MCM4: variants seen among roughly 807,000 people sequenced by gnomAD.
The protein encoded by MCM4 is minichromosome maintenance complex component 4, also known as DNA replication licensing factor MCM4.
A neutral mutation model predicts 88.7 loss-of-function variants in MCM4; 60 were observed. The observed-to-expected ratio is 0.68, with a 90% CI of 0.55 to 0.84. The LOEUF (loss-of-function observed/expected upper bound fraction) is 0.84. Among genes scored for constraint, MCM4 ranks in the 40% least tolerant of loss-of-function variants. MCM4 has a pLI of 0.00. For synonymous variants in MCM4, 465 were observed against 410.5 expected (o/e 1.13, Z -1.61); for missense variants, 1,149 against 1,105.5 (o/e 1.04, Z -0.56).
intron 4 of MCM4, 43 bp downstream of exon 4, chr8:47,962,259 T>C (rs778593949): frequency 2.5e-6 from 4 of 1,613,126 alleles, no homozygotes; most frequent in Non-Finnish European, 3.4e-6. Flanking sequence ...GCGGGTATCA[T>C]GTGGGTAACT....
At position 47,961,447 on chromosome 8, in the gene MCM4, GAA is replaced by G. The variant is rs982776360; in HGVS notation, c.71-66_71-65del. On this transcript the variant is annotated intron_variant, in intron 2 of 16. Coordinates refer to ENST00000649973, the MANE Select transcript of MCM4 (RefSeq NM_182746.3). The stretch of plus-strand genomic sequence containing the variant: ...CAGTGGTGAGTCATAATGCCCCAAG[GAA>G]AAGACAAATCCAGGAAGGCCGGCCC... 3.5e-5 allele frequency: 57 copies of G among 1,610,852 alleles called. No individual in the cohort carries two copies. In the African/African-American group the frequency reaches 6.5e-4, roughly 18 times the overall value.
At chr8:47,961,056 G>T in intron 1 of MCM4, 42 bp downstream of exon 1, 1 of 1,377,760 alleles carries the variant, frequency 7.3e-7, no homozygotes, top group East Asian at 3.1e-5. Flanking sequence ...CGGAGCCGAC[G>T]GGAACGTCCG....
At position 47,962,287 on chromosome 8, in the gene MCM4, T is replaced by C. The variant is rs2090851045; in HGVS notation, c.400-18T>C. 1 of 1,614,050 alleles carries C rather than the reference T, an allele frequency of 6.2e-7. No individual in the cohort carries two copies. Among genetic ancestry groups the C allele is most frequent in the African/African-American group, 1.3e-5 (1 of 74,928 alleles). ...GGGTAACTCTGTTTTCATGATTCTG[T>C]CATGTTTTTCTGTGTAGGCAGCAGC... On this transcript the variant is annotated intron_variant, in intron 4 of 16. Transcript: ENST00000649973.
At position 47,975,828 on chromosome 8, in the gene MCM4, A is replaced by G. The variant is rs778208393; in HGVS notation, c.2479A>G (p.Ile827Val). The stretch of plus-strand genomic sequence containing the variant: ...AAAATACCAGCAACTTTTTGAAGAT[A>G]TTCGGGGACAATCTGACATAGTAAG... ...ALKYQQLFED[I>V]RGQSDIAITK... Residue 827 changes from isoleucine to valine, a missense_variant, in exon 16 of 17, where the codon ATT becomes GTT. By Grantham distance (29) the Ile-to-Val change is conservative. Transcript: ENST00000649973. The G allele has an allele frequency of 1.9e-6, 3 of 1,580,004 alleles. No homozygotes were observed. The highest frequency in any genetic ancestry group is 2.6e-6 in the Non-Finnish European group (3 of 1,167,798).
At chr8:47,969,006 A>G (rs1159662488) in intron 10 of MCM4, 1 of 152,232 alleles carries the variant, frequency 6.6e-6, no homozygotes, top group Non-Finnish European at 1.5e-5. Context: ...TGCTAGGCAG[A>G]TTCTGTACAC....
chr8:47,974,362 A>G (rs1241988766), intron 14 of MCM4: 1 of 198,430 alleles, frequency 5.0e-6, no homozygotes, highest in Non-Finnish European at 1.1e-5. Context: ...CTTTTCCCAG[A>G]CAGGCCTGAT....
chr8:47,970,388 A>T, intron 11 of MCM4, 123 bp from the exon 12 acceptor site: 1 of 1,292,328 alleles, frequency 7.7e-7, no homozygotes, highest in Non-Finnish European at 1.1e-6. Context: ...GAGCCTTTTT[A>T]TACCTTCCTG....
intron 7 of MCM4, among the ~76,000 whole-genome samples, chr8:47,964,041 T>A (rs752545667): frequency 6.6e-6 from 1 of 152,144 alleles, no homozygotes; most frequent in Non-Finnish European, 1.5e-5. Flanking sequence ...CTGACCAACG[T>A]GGAGAAACCC....
rs768182076 is a variant in MCM4 at position 47,966,381 on chromosome 8, C to T, written c.1027C>T (p.Arg343Cys). ...CCACAGCATGGCACTCATCCACAACCGCTCCCTCTTCTCTGACAAGCAGAT... is the reference window on the plus strand; with the variant it reads ...CCACAGCATGGCACTCATCCACAACTGCTCCCTCTTCTCTGACAAGCAGAT... The part of the protein sequence containing the change: ...TTHSMALIHN[R>C]SLFSDKQMIK... The change falls in exon 9 of 17, where the codon CGC becomes TGC. Residue 343 changes from arginine to cysteine, a missense_variant. Arg to Cys is a radical substitution (Grantham distance 180). Coordinates refer to ENST00000649973, the MANE Select transcript of MCM4 (RefSeq NM_182746.3). 16 of 1,612,372 alleles carry T rather than the reference C, an allele frequency of 9.9e-6. No individual in the cohort carries two copies. The Middle Eastern group carries it at 8.3e-4, about 84-fold the overall frequency.
Position 47,961,675 on chromosome 8 carries a change from C to T in MCM4, c.230C>T (p.Ser77Phe). Residue 77 changes from serine to phenylalanine, a missense_variant, in exon 3 of 17, where the codon TCT becomes TTT. Ser to Phe is a radical substitution (Grantham distance 155, BLOSUM62 -2). Coordinates refer to ENST00000649973, the MANE Select transcript of MCM4 (RefSeq NM_182746.3). The stretch of plus-strand genomic sequence containing the variant: ...TTTTCCAGCCCTCCCCAAATGCATT[C>T]TTCAGGTGCGTGTCTGAAGATCTTG... ...VLFSSPPQMH[S>F]SAIPLDFDVS... 1 of 1,604,756 alleles carries T rather than the reference C, an allele frequency of 6.2e-7. No homozygotes were observed. Among genetic ancestry groups the T allele is most frequent in the Non-Finnish European group, 8.5e-7 (1 of 1,174,098 alleles).
chr8:47,960,950 G>T lies in MCM4; in HGVS notation c.-79G>T, dbSNP rs1222283945. The stretch of plus-strand genomic sequence containing the variant: ...GGGAACTCTGGGTCTCGCGGTTTGG[G>T]AGCGCTACTCGCCAGGTGGACTCGG... On this transcript the variant is annotated 5_prime_UTR_variant, in exon 1 of 17. Coordinates refer to ENST00000649973, the MANE Select transcript of MCM4 (RefSeq NM_182746.3). The T allele has an allele frequency of 1.8e-6, 1 of 548,578 alleles. No homozygotes were observed. Among genetic ancestry groups the T allele is most frequent in the East Asian group, 3.6e-5 (1 of 27,564 alleles). The allele number at this position is 548,578 out of a possible 1,614,324, so 34.0% of individuals were successfully genotyped here.
In MCM4 at chr8:47,970,881, G is replaced by T. The variant is rs750380475; in HGVS notation, c.1800+5G>T. ...CAGACTCTGTCCATTGCAAAGGTGA[G>T]TCGCCTTCTCCACCGTGAACATGGA... On this transcript the variant is annotated splice_donor_5th_base_variant and intron_variant, in intron 12 of 16. Coordinates refer to ENST00000649973, the MANE Select transcript of MCM4 (RefSeq NM_182746.3). The T allele has an allele frequency of 4.4e-6, 7 of 1,579,426 alleles. No homozygotes were observed. Among genetic ancestry groups the T allele is most frequent in the Non-Finnish European group, 6.0e-6 (7 of 1,159,402 alleles).
At chr8:47,964,764 A>G in intron 8 of MCM4, 52 bp downstream of exon 8, 1 of 1,436,010 alleles carries the variant, frequency 7.0e-7, no homozygotes. Context: ...GCCTTACATG[A>G]AAATAGCCTT....
intron 2 of MCM4, 64 bp from the exon 3 acceptor site, chr8:47,961,452 G>A: frequency 6.2e-7 from 1 of 1,611,492 alleles, no homozygotes; most frequent in East Asian, 2.2e-5. Context: ...CCAAGGAAAA[G>A]ACAAATCCAG....
At chr8:47,962,919 A>G (rs747247490) in intron 6 of MCM4, 26 bp from the exon 7 acceptor site, 1 of 1,567,470 alleles carries the variant, frequency 6.4e-7, no homozygotes, top group Non-Finnish European at 8.7e-7. Flanking sequence ...TTAGCAAAAT[A>G]TAACTTGTTC....
intron 16 of MCM4, 135 bp from the exon 17 acceptor site, chr8:47,976,551 A>T: frequency 1.7e-6 from 1 of 576,834 alleles, no homozygotes; most frequent in Non-Finnish European, 3.1e-6. Context: ...CCTGATTTAG[A>T]GCATAAGGCA....
chr8:47,964,634 T>C lies in MCM4; in HGVS notation c.754T>C (p.Ser252Pro). 6.2e-7 allele frequency: 1 copy of C among 1,607,890 alleles called. No individual in the cohort carries two copies. Among genetic ancestry groups the C allele is most frequent in the Non-Finnish European group, 8.5e-7 (1 of 1,178,514 alleles). ...NEIFFDRYPD[S>P]ILEHQIQVRP... ...AATCTTCTTTGACCGTTACCCTGAC[T>C]CAATCTTAGAACATCAGATTCAAGT... Residue 252 changes from serine (S) to proline (P), a missense_variant, in exon 8 of 17, where the codon TCA becomes CCA. By Grantham distance (74) the Ser-to-Pro change is moderately conservative. Coordinates refer to ENST00000649973, the MANE Select transcript of MCM4 (RefSeq NM_182746.3).
rs2090881775 is a variant in MCM4, at chr8:47,964,648, T to A, written c.768T>A (p.His256Gln). The change falls in exon 8 of 17, where the codon CAT becomes CAA. Residue 256 changes from histidine to glutamine, a missense_variant. This residue lies in a region of MCM4 where 906 missense variants were observed against 843.0 expected (regional missense o/e 1.07). Transcript: ENST00000649973. ...GTTACCCTGACTCAATCTTAGAACA[T>A]CAGATTCAAGTAAGACCATTCAACG... is the stretch of plus-strand genomic sequence containing the variant. ...FDRYPDSILE[H>Q]QIQVRPFNAL... 6.2e-7 allele frequency: 1 copy of A among 1,607,634 alleles called. No homozygotes were observed. Among genetic ancestry groups the A allele is most frequent in the Non-Finnish European group, 8.5e-7 (1 of 1,178,262 alleles).
In MCM4 at chr8:47,961,201, C is replaced by T. The variant is rs1345010592; in HGVS notation, c.57C>T (p.Thr19=). ...SRRGSRRGRA[T]PAQTPRSEDA... ...GCGGCAGCCGGCGTGGAAGGGCCAC[C>T]CCCGCCCAGACGCGTGAGTCCCCCG... Residue 19 remains threonine (T), a synonymous_variant, in exon 2 of 17, where the codon ACC becomes ACT. Coordinates refer to ENST00000649973, the MANE Select transcript of MCM4 (RefSeq NM_182746.3). 2 of 1,527,750 alleles carry T rather than the reference C, an allele frequency of 1.3e-6. No individual in the cohort carries two copies. The highest frequency in any genetic ancestry group is 1.2e-5 in the South Asian group (1 of 83,404). 94.6% of individuals were successfully genotyped at this position (1,527,750 alleles called of 1,614,324 possible). A position where few individuals can be genotyped will look rare whatever the true frequency, so the allele number is the denominator to read the frequency against.
Sources: gnomAD v4.1 joint callset for allele counts (sites outside exome capture counted in the v4.1 genomes callset) on GRCh38, gnomAD v4.1.1 for gene constraint, gnomAD v4.1.1 regional missense constraint, MANE v1.5 for transcripts, NCBI Gene and HGNC (gene_info 2026-07-23, HGNC 2026-07-21) for gene names.